Variants in SLC37A2 observed in about 807,000 individuals in gnomAD.
SLC37A2 encodes the protein glucose-6-phosphate exchanger SLC37A2.
In SLC37A2, 59 loss-of-function variants were observed where a neutral mutation model predicts 70.7. The observed-to-expected ratio is 0.83, with a 90% CI of 0.68 to 1.04. The LOEUF is 1.04. SLC37A2 is among the 50% of genes least tolerant of loss of function. The pLI is 0.00. For synonymous variants in SLC37A2, 257 were observed against 262.1 expected, an observed-to-expected ratio of 0.98 and a Z score of 0.19; for missense variants, 580 against 658.1, an observed-to-expected ratio of 0.88 and a Z score of 1.30.
chr11:125,086,055 C>A, intron 17 of SLC37A2, 37 bp downstream of exon 17: 1 of 1,601,350 alleles, frequency 6.2e-7, no homozygotes, highest in Non-Finnish European at 8.6e-7. Context: ...CTCTACCAAC[C>A]TCATTTCTCG....
chr11:125,074,909 C>T (rs1420331625), intron 1 of SLC37A2, among the ~76,000 whole-genome samples: 1 of 152,206 alleles, frequency 6.6e-6, no homozygotes, highest in African/African-American at 2.4e-5. Context: ...GGCCCTGGCA[C>T]ATCCAAGTGG....
In SLC37A2 at chr11:125,086,404, T is replaced by C; in HGVS notation, c.1490+386T>C. 3 of 732,704 alleles carry C rather than the reference T, an allele frequency of 4.1e-6. No homozygotes were observed. In the South Asian group the frequency reaches 4.7e-5, roughly 12 times the overall value. 45.4% of individuals were successfully genotyped at this position (732,704 alleles called of 1,614,324 possible). ...AAAGACTTTCAACCTCAGCAGAGCA[T>C]GGTGCTTGGGAAGTGTTTTCCAAGG... On this transcript the variant is annotated intron_variant, in intron 17 of 17. Coordinates refer to ENST00000403796, the MANE Select transcript of SLC37A2 (RefSeq NM_001145290.2).
At chr11:125,085,035 T>C in intron 13 of SLC37A2, 31 bp from the exon 14 acceptor site, 1 of 1,612,572 alleles carries the variant, frequency 6.2e-7, no homozygotes, top group South Asian at 1.1e-5. Context: ...TGGTGCTGCT[T>C]CTCTGACTGG....
Position 125,077,353 on chromosome 11 carries a change from T to C in SLC37A2, c.235+30T>C, listed in dbSNP as rs951831731. 3.8e-6 allele frequency: 6 copies of C among 1,591,104 alleles called. No homozygotes were observed. The East Asian group carries it at 1.3e-4, about 36-fold the overall frequency. ...GAACAGGGCAAGTTGCTCTTCCCAT[T>C]CCCCATTCCCTCTTCCTCGAGAAGG... On this transcript the variant is annotated intron_variant, in intron 3 of 17. Transcript: ENST00000403796.
rs150585552 is a variant in SLC37A2 at position 125,086,793 on chromosome 11, G to A, written c.1490+775G>A. 2.8e-3 allele frequency: 486 copies of A among 174,412 alleles called. 7 individuals carry two copies. In the East Asian group the frequency reaches 0.062, roughly 22 times the overall value. The allele number at this position is 174,412 out of a possible 1,614,324, so 10.8% of individuals were successfully genotyped here. A position where few individuals can be genotyped will look rare whatever the true frequency, so the allele number is the denominator to read the frequency against. ...TCTGATGGTCGGGCGACCCTCTCCC[G>A]CTGGCCGTCCTGAGCAGGAGCCTCG... On this transcript the variant is annotated intron_variant, in intron 17 of 17. Coordinates refer to ENST00000403796, the MANE Select transcript of SLC37A2 (RefSeq NM_001145290.2).
At chr11:125,085,290 G>T in intron 14 of SLC37A2, 105 bp from the exon 15 acceptor site, 2 of 1,329,664 alleles carry the variant, frequency 1.5e-6, no homozygotes, top group Non-Finnish European at 1.1e-6. Flanking sequence ...CTCCTCTCAA[G>T]CCCAAACCCC....
At position 125,085,613 on chromosome 11, in the gene SLC37A2, C is replaced by T; in HGVS notation, c.1364C>T (p.Ser455Phe). The T allele has an allele frequency of 6.2e-7, 1 of 1,613,792 alleles. No individual in the cohort carries two copies. Among genetic ancestry groups the T allele is most frequent in the Non-Finnish European group, 8.5e-7 (1 of 1,180,016 alleles). ...GGGCCTCTGCTGGCTGGGCTCATCTCCCCCACGGGCTGGAACAATGTCTTC... is the reference window on the plus strand; with the variant it reads ...GGGCCTCTGCTGGCTGGGCTCATCTTCCCCACGGGCTGGAACAATGTCTTC... ...ALGPLLAGLI[S>F]PTGWNNVFYM... Residue 455 changes from serine to phenylalanine, a missense_variant, in exon 16 of 18, where the codon TCC becomes TTC. Ser to Phe is a radical substitution (Grantham distance 155). Transcript: ENST00000403796.
chr11:125,071,109 A>G (rs1221224924), intron 1 of SLC37A2, among the ~76,000 whole-genome samples: 1 of 152,156 alleles, frequency 6.6e-6, no homozygotes, highest in African/African-American at 2.4e-5. Context: ...TATCTGAGTC[A>G]CTAACAGACA....
At chr11:125,076,338 T>C (rs7108269) in intron 1 of SLC37A2, among the ~76,000 whole-genome samples, 35,013 of 151,834 alleles carry the variant, frequency 0.23, 4,759 homozygotes, top group African/African-American at 0.37. Flanking sequence ...CAGACCCTTC[T>C]CCCGACTGTC....
rs945788412 is a variant in SLC37A2, at chr11:125,080,169, C to A, written c.527+409C>A. Among the ~76,000 whole-genome samples the A allele has an allele frequency of 6.6e-6, 1 of 152,148 alleles. No individual in the cohort carries two copies. Among genetic ancestry groups the A allele is most frequent in the Non-Finnish European group, 1.5e-5 (1 of 68,032 alleles). ...TTGGGGACTGTCCTACCACTGCAGG[C>A]TGTTTAGTAGTAGCCTTCCTGGCAT... On this transcript the variant is annotated intron_variant, in intron 6 of 17. Transcript: ENST00000403796. The surrounding 1 kb of genome is among the most constrained non-coding windows in gnomAD (Gnocchi z 4.3).
chr11:125,063,964 A>G lies in SLC37A2; in HGVS notation c.59+538A>G, dbSNP rs182634183. ...AAGGGCACAGCTCTCAGAGCAGAGCAGGGCAGCCCCTCGGCAGTGGGAGAA... is the reference window on the plus strand; with the variant it reads ...AAGGGCACAGCTCTCAGAGCAGAGCGGGGCAGCCCCTCGGCAGTGGGAGAA... On this transcript the variant is annotated intron_variant, in intron 1 of 17. Transcript: ENST00000403796. This position sits in a 1 kb window ranked among gnomAD's most constrained non-coding sequence, Gnocchi z 5.4. Among the ~76,000 whole-genome samples the G allele has an allele frequency of 0.017, 2,611 of 152,296 alleles. 73 individuals carry two copies. Among genetic ancestry groups the G allele is most frequent in the African/African-American group, 0.06 (2,480 of 41,570 alleles).
chr11:125,065,981 A>G (rs1158175265), intron 1 of SLC37A2, among the ~76,000 whole-genome samples: 1 of 152,248 alleles, frequency 6.6e-6, no homozygotes, highest in African/African-American at 2.4e-5. Flanking sequence ...AGAACACTAT[A>G]TCAACATCAA....
chr11:125,084,943 C>T, intron 13 of SLC37A2, 70 bp downstream of exon 13: 1 of 1,599,690 alleles, frequency 6.3e-7, no homozygotes, highest in Non-Finnish European at 8.6e-7. Context: ...ATGAGGCTGG[C>T]CCACGGGGGG....
chr11:125,069,848 C>A (rs1398829330), intron 1 of SLC37A2, among the ~76,000 whole-genome samples: 1 of 152,248 alleles, frequency 6.6e-6, no homozygotes, highest in Non-Finnish European at 1.5e-5. Flanking sequence ...CCTGTTAGGC[C>A]TTCCTCGTCA....
At chr11:125,085,374 C>G (rs771303324) in intron 14 of SLC37A2, 21 bp from the exon 15 acceptor site, 1 of 1,609,944 alleles carries the variant, frequency 6.2e-7, no homozygotes, top group South Asian at 1.1e-5. Context: ...TGGGCTTCCC[C>G]ACTCCACTGT....
At position 125,063,387 on chromosome 11, in the gene SLC37A2, C is replaced by T. The variant is rs377630439; in HGVS notation, c.20C>T (p.Pro7Leu). ...GGCAAAATGCGGTCCTCCCTGGCTC[C>T]GGGAGTCTGGTTCTTCCGGGCCTTC... MRSSLA[P>L]GVWFFRAFSR... The change falls in exon 1 of 18, where the codon CCG becomes CTG. Residue 7 changes from proline to leucine, a missense_variant. Transcript: ENST00000403796. This position sits in a 1 kb window ranked among gnomAD's most constrained non-coding sequence, Gnocchi z 5.4. The T allele has an allele frequency of 1.6e-5, 26 of 1,611,888 alleles. No homozygotes were observed. Among genetic ancestry groups the T allele is most frequent in the Non-Finnish European group, 1.9e-5 (22 of 1,179,216 alleles).
intron 1 of SLC37A2, among the ~76,000 whole-genome samples, chr11:125,064,294 G>A (rs1429204678): frequency 6.6e-6 from 1 of 152,052 alleles, no homozygotes; most frequent in African/African-American, 2.4e-5. Flanking sequence ...CCAGGAGTTC[G>A]AGACCAGCCT....
chr11:125,067,259 C>G (rs1392851363), intron 1 of SLC37A2, among the ~76,000 whole-genome samples: 2 of 152,142 alleles, frequency 1.3e-5, no homozygotes, highest in Non-Finnish European at 1.5e-5. Flanking sequence ...CCCAAAGCAC[C>G]AGGATTGCAG....
At chr11:125,077,351 A>G (rs755393783) in intron 3 of SLC37A2, 28 bp downstream of exon 3, 3 of 1,590,972 alleles carry the variant, frequency 1.9e-6, no homozygotes, top group Non-Finnish European at 2.6e-6. Flanking sequence ...TGCTCTTCCC[A>G]TTCCCCATTC....
Sources: gnomAD v4.1 joint callset for allele counts (sites outside exome capture counted in the v4.1 genomes callset) on GRCh38, gnomAD v4.1.1 for gene constraint, Gnocchi (gnomAD v3.1) non-coding constraint, MANE v1.5 for transcripts, NCBI Gene and HGNC (gene_info 2026-07-23, HGNC 2026-07-21) for gene names.